Variants in SP110 observed in about 807,000 individuals in gnomAD.
SP110 encodes the protein SP110 nuclear body protein, also known as interferon-induced protein 41, 30kD.
A neutral mutation model predicts 92.7 loss-of-function variants in SP110; 62 were observed. The ratio of observed to expected loss-of-function variants is 0.67; its 90% CI spans 0.55 to 0.83. The LOEUF (loss-of-function observed/expected upper bound fraction) is 0.83, where lower values mean the gene tolerates loss of function less well. Among genes scored for constraint, SP110 ranks in the 40% least tolerant of loss-of-function variants. The pLI is 0.00. For synonymous variants in SP110, 273 were observed against 305.3 expected (o/e 0.89, Z 1.10); for missense variants, 793 against 863.9 (o/e 0.92, Z 1.03).
rs1228527254 is a variant in SP110, at chr2:230,168,316, C to T, written c.*808G>A. On this transcript the variant is annotated 3_prime_UTR_variant, in exon 19 of 19. Transcript: ENST00000258381. ...GCTAAATAAAAAAACAAGCATTTATCCTATTTTTTGTACAACCTGTATTTC... is the reference window on the plus strand; with the variant it reads ...GCTAAATAAAAAAACAAGCATTTATTCTATTTTTTGTACAACCTGTATTTC... The T allele has an allele frequency of 2.0e-5, 3 of 151,922 alleles. No individual in the cohort carries two copies. Among genetic ancestry groups the T allele is most frequent in the Non-Finnish European group, 4.4e-5 (3 of 68,006 alleles). The allele number at this position is 151,922 out of a possible 1,614,324, so 9.4% of individuals were successfully genotyped here. A position where few individuals can be genotyped will look rare whatever the true frequency, so the allele number is the denominator to read the frequency against.
chr2:230,178,472 A>C (rs1190840305), intron 12 of SP110, among the ~76,000 whole-genome samples: 1 of 151,582 alleles, frequency 6.6e-6, no homozygotes, highest in Non-Finnish European at 1.5e-5. Context: ...AAAAAAAAAA[A>C]CATTTTAGTG....
intron 17 of SP110, 122 bp downstream of exon 17, chr2:230,171,574 G>T (rs1574588006): frequency 2.5e-6 from 2 of 794,876 alleles, no homozygotes; most frequent in Non-Finnish European, 4.5e-6. Flanking sequence ...CCGCTCCACT[G>T]CTGCCACGCT....
chr2:230,172,990 G>C, intron 14 of SP110, 31 bp from the exon 15 acceptor site: 1 of 1,421,500 alleles, frequency 7.0e-7, no homozygotes, highest in Non-Finnish European at 9.9e-7. Flanking sequence ...GGCACCGCTA[G>C]GACCATGGAG....
At position 230,169,174 on chromosome 2, in the gene SP110, C is replaced by T. The variant is rs765155471; in HGVS notation, c.2092G>A (p.Val698Met). 2.1e-5 allele frequency: 34 copies of T among 1,613,836 alleles called. No homozygotes were observed. In the Middle Eastern group the frequency reaches 4.9e-4, roughly 23 times the overall value. Residue 698 changes from valine (V) to methionine (M), a missense_variant, in exon 19 of 19, where the codon GTG becomes ATG. Coordinates refer to ENST00000258381, the MANE Select transcript of SP110 (RefSeq NM_080424.4). ...EAEFEKDLKD[V>M]LGFHEANDGG... ...TCATTGGCTTCATGAAAACCGAGCA[C>T]GTCTTTGAGATCTTTTTCAAATTCT... is the stretch of plus-strand genomic sequence containing the variant.
intron 14 of SP110, chr2:230,176,438 A>G: frequency 3.6e-6 from 5 of 1,408,418 alleles, no homozygotes; most frequent in Non-Finnish European, 4.6e-6. Context: ...AGCCATCCAA[A>G]TATCCAGATC....
chr2:230,206,604 T>TATATATATATATATATATAC (rs2043862814), intron 8 of SP110, among the ~76,000 whole-genome samples: 1 of 44,412 alleles, frequency 2.3e-5, no homozygotes, highest in Non-Finnish European at 4.1e-5. Context: ...TTTATATATA[T>TATATATATATATATATATAC]ATATATATAT....
intron 3 of SP110, among the ~76,000 whole-genome samples, chr2:230,213,384 CTG>C (rs1037261570): frequency 2.0e-5 from 3 of 152,250 alleles, no homozygotes; most frequent in African/African-American, 7.2e-5. Context: ...AAAGAGGTCT[CTG>C]TTTTAATAAA....
intron 2 of SP110, among the ~76,000 whole-genome samples, chr2:230,215,552 G>A (rs1449414128): frequency 6.6e-6 from 1 of 152,198 alleles, no homozygotes; most frequent in African/African-American, 2.4e-5. Flanking sequence ...GTCTCTCTCT[G>A]TGTCTCTCAA....
At chr2:230,194,003 GTA>G (rs1345700726) in intron 10 of SP110, among the ~76,000 whole-genome samples, 2 of 152,190 alleles carry the variant, frequency 1.3e-5, no homozygotes, top group Non-Finnish European at 2.9e-5. Flanking sequence ...ATGACAGAGA[GTA>G]TGTTTCCTCC....
chr2:230,170,613 C>T lies in SP110; in HGVS notation c.2028+8G>A, dbSNP rs1386262037. ...AGACGCAAAAAGGAAGCAGGAAATG[C>T]TCTTTACCTTGTAAAATGTTTTATG... On this transcript the variant is annotated splice_region_variant and intron_variant, in intron 18 of 18. Coordinates refer to ENST00000258381, the MANE Select transcript of SP110 (RefSeq NM_080424.4). The T allele has an allele frequency of 4.3e-6, 7 of 1,614,038 alleles. No homozygotes were observed. The highest frequency in any genetic ancestry group is 5.9e-6 in the Non-Finnish European group (7 of 1,180,020).
chr2:230,221,281 G>GAAAAA, upstream of SP110, among the ~76,000 whole-genome samples: 1 of 82,668 alleles, frequency 1.2e-5, no homozygotes, highest in East Asian at 3.6e-4. Context: ...ACTCCATCTC[G>GAAAAA]AAAAAAAAAA....
Position 230,180,813 on chromosome 2 carries a change from G to A in SP110, c.1349-2558C>T, listed in dbSNP as rs572998619. On this transcript the variant is annotated intron_variant, in intron 12 of 18. Transcript: ENST00000258381. Reference sequence around the variant, plus strand: ...TGAGGGACAACTGTCAACGTTTGCCGGGGCTCCTGCCTCCACCAGTGTTTG... The same window carrying A: ...TGAGGGACAACTGTCAACGTTTGCCAGGGCTCCTGCCTCCACCAGTGTTTG... Among the ~76,000 whole-genome samples the A allele has an allele frequency of 7.2e-5, 11 of 152,296 alleles. No homozygotes were observed. The South Asian group carries it at 1.2e-3, about 17-fold the overall frequency.
chr2:230,195,100 C>CT (rs1300310534), intron 10 of SP110, among the ~76,000 whole-genome samples: 1 of 151,502 alleles, frequency 6.6e-6, no homozygotes. Context: ...TTCTTTTCTC[C>CT]TTTTTTCTAA....
chr2:230,172,844 C>A lies in SP110; in HGVS notation c.1706G>T (p.Arg569Met). 3 of 1,607,590 alleles carry A rather than the reference C, an allele frequency of 1.9e-6. No homozygotes were observed. Among genetic ancestry groups the A allele is most frequent in the Non-Finnish European group, 2.6e-6 (3 of 1,173,990 alleles). The change falls in exon 15 of 19, where the codon AGG (arginine) becomes ATG (methionine). Residue 569 changes from arginine (R) to methionine (M), a missense_variant and splice_region_variant. Transcript: ENST00000258381. Reference sequence around the variant, plus strand: ...CGAGGCGGGGCTGCATCCCACTCACCTCTTGGCTTCCACAGGGGGGATGTG... The same window carrying A: ...CGAGGCGGGGCTGCATCCCACTCACATCTTGGCTTCCACAGGGGGGATGTG... Reference protein sequence around the residue: ...DCHIPPVEAKRMLWSCTFCRM... With the variant: ...DCHIPPVEAKMMLWSCTFCRM...
chr2:230,222,604 G>A (rs189301372), upstream of SP110, among the ~76,000 whole-genome samples: 186 of 151,782 alleles, frequency 1.2e-3, 2 homozygotes, highest in Middle Eastern at 3.4e-3. Flanking sequence ...TACACCTGTG[G>A]TCCCCGCTAT....
intron 10 of SP110, among the ~76,000 whole-genome samples, chr2:230,198,929 G>T (rs578117813): frequency 6.6e-6 from 1 of 152,160 alleles, no homozygotes; most frequent in Admixed American, 6.5e-5. Flanking sequence ...AGTGGAGGAG[G>T]TGTGCCCTTC....
intron 3 of SP110, among the ~76,000 whole-genome samples, chr2:230,214,671 T>A (rs935329290): frequency 2.6e-5 from 4 of 152,224 alleles, no homozygotes; most frequent in African/African-American, 9.6e-5. Context: ...CCTTATGCAT[T>A]CCCTATAGAT....
rs368321181 is a variant in SP110, at chr2:230,212,374, G to A, written c.640C>T (p.Pro214Ser). The part of the protein sequence containing the change: ...MNAEEDSEEM[P>S]SLLTSTVQVA... ...TGCACAGTGCTAGTGAGGAGGCTGG[G>A]CATCTCTTCTGAGTCTTCTTCCGCA... is the stretch of plus-strand genomic sequence containing the variant. The change falls in exon 5 of 19, where the codon CCC becomes TCC. Residue 214 changes from proline to serine, a missense_variant. Coordinates refer to ENST00000258381, the MANE Select transcript of SP110 (RefSeq NM_080424.4). 6.2e-7 allele frequency: 1 copy of A among 1,613,214 alleles called. No individual in the cohort carries two copies. The highest frequency in any genetic ancestry group is 8.5e-7 in the Non-Finnish European group (1 of 1,179,136).
At chr2:230,173,657 C>T (rs2041716400) in intron 14 of SP110, 1 of 152,038 alleles carries the variant, frequency 6.6e-6, no homozygotes, top group Non-Finnish European at 1.5e-5. Flanking sequence ...ACTGTTTCTC[C>T]ATTTAACAGC....
Sources: allele counts gnomAD v4.1 joint callset (sites outside exome capture counted in the v4.1 genomes callset), GRCh38; gene constraint gnomAD v4.1.1; transcripts MANE v1.5; gene names NCBI Gene and HGNC (gene_info 2026-07-23, HGNC 2026-07-21).